Variants in DDX54 observed in about 807,000 individuals in gnomAD.
DDX54 encodes ATP-dependent RNA helicase DDX54.
Under a neutral mutation model 105.5 loss-of-function variants are expected in DDX54, and 67 were observed. That is an observed-to-expected ratio of 0.64 (90% confidence interval 0.52 to 0.78). DDX54 has a LOEUF of 0.78. DDX54 is among the 30% of genes least tolerant of loss of function. The pLI is 0.00. For missense variants in DDX54, 1,206 were observed against 1,230.5 expected (o/e 0.98, Z 0.30); for synonymous variants, 514 against 509.9 (o/e 1.01, Z -0.11).
chr12:113,176,662 G>A (rs1952407310), intron 7 of DDX54, among the ~76,000 whole-genome samples, 178 bp downstream of exon 7: 2 of 152,142 alleles, frequency 1.3e-5, no homozygotes, highest in South Asian at 4.1e-4. Context: ...TGGTCAGAGA[G>A]CCCCAGAGAT....
rs749816902 is a variant in DDX54 at position 113,165,646 on chromosome 12, C to T, written c.1717G>A (p.Ala573Thr). 12 of 1,608,134 alleles carry T rather than the reference C, an allele frequency of 7.5e-6. No individual in the cohort carries two copies. The highest frequency in any genetic ancestry group is 7.7e-6 in the Non-Finnish European group (9 of 1,176,162). ...GGTCTCCACCCGGCCCCACTCACCG[C>T]CCGGGAGCGGTAGTTCTTTATGCTG... ...VDSIKNYRSR[A>T]TIFEINASSR... The change falls in exon 14 of 20, where the codon GCG becomes ACG. Residue 573 changes from alanine to threonine, a missense_variant and splice_region_variant. By Grantham distance (58) the Ala-to-Thr change is moderately conservative. This residue lies in a region of DDX54 where 961 missense variants were observed against 1,019.1 expected (regional missense o/e 0.94). Coordinates refer to ENST00000306014, the MANE Select transcript of DDX54 (RefSeq NM_024072.4).
chr12:113,173,686 A>C (rs1952364390), intron 10 of DDX54, among the ~76,000 whole-genome samples: 1 of 152,212 alleles, frequency 6.6e-6, no homozygotes, highest in Admixed American at 6.5e-5. Flanking sequence ...AATCTTAAGA[A>C]GTCAAACAAA....
At chr12:113,179,795 G>T in intron 3 of DDX54, 140 bp downstream of exon 3, 1 of 986,066 alleles carries the variant, frequency 1.0e-6, no homozygotes, top group Non-Finnish European at 1.5e-6. Context: ...CTAGGAAGTG[G>T]GCACGCTAGC....
At chr12:113,165,551 G>T in intron 14 of DDX54, 93 bp downstream of exon 14, 1 of 1,351,600 alleles carries the variant, frequency 7.4e-7, no homozygotes, top group Non-Finnish European at 9.9e-7. Flanking sequence ...TGGCACCACC[G>T]TTGTCACTGT....
In DDX54 at chr12:113,176,866, T is replaced by A; in HGVS notation, c.726A>T (p.Glu242Asp). ...VEMSLKLQSV[E>D]YVVFDEADRL... ...GGTCAGCTTCATCGAACACCACGTATTCCACACTCTGCAGCTTCAGGCTCA... is the reference window on the plus strand; with the variant it reads ...GGTCAGCTTCATCGAACACCACGTAATCCACACTCTGCAGCTTCAGGCTCA... Residue 242 changes from glutamate to aspartate, a missense_variant, in exon 7 of 20, where the codon GAA becomes GAT. Physicochemically the swap from Glu to Asp is conservative, Grantham distance 45. Coordinates refer to ENST00000306014, the MANE Select transcript of DDX54 (RefSeq NM_024072.4). 1 of 1,614,184 alleles carries A rather than the reference T, an allele frequency of 6.2e-7. No homozygotes were observed. The highest frequency in any genetic ancestry group is 8.5e-7 in the Non-Finnish European group (1 of 1,180,038).
chr12:113,157,871 T>C lies in DDX54; in HGVS notation c.*1006A>G. On this transcript the variant is annotated 3_prime_UTR_variant, in exon 20 of 20. Coordinates refer to ENST00000306014, the MANE Select transcript of DDX54 (RefSeq NM_024072.4). ...GGGCACATAGCAAGCACTCCATAAA[T>C]GCAGGCCCTGATGAGGAGGTGATGG... 1.7e-6 allele frequency: 1 copy of C among 602,184 alleles called. No homozygotes were observed. The highest frequency in any genetic ancestry group is 3.0e-6 in the Non-Finnish European group (1 of 335,096). 37.3% of individuals were successfully genotyped at this position (602,184 alleles called of 1,614,324 possible).
chr12:113,159,071 G>C lies in DDX54; in HGVS notation c.2452C>G (p.Arg818Gly). The C allele has an allele frequency of 6.2e-7, 1 of 1,607,642 alleles. No homozygotes were observed. Among genetic ancestry groups the C allele is most frequent in the South Asian group, 1.1e-5 (1 of 90,214 alleles). Residue 818 changes from arginine to glycine, a missense_variant, in exon 20 of 20, where the codon CGA (arginine) becomes GGA (glycine). Transcript: ENST00000306014. Reference sequence around the variant, plus strand: ...TTGGTCTTGAGTTCCGGGCGGACTCGGCCTGCAGGGGTGCCTGGGGCGTGG... The same window carrying C: ...TTGGTCTTGAGTTCCGGGCGGACTCCGCCTGCAGGGGTGCCTGGGGCGTGG... ...RPHAPGTPAG[R>G]VRPELKTKQQ...
At position 113,181,626 on chromosome 12, in the gene DDX54, G is replaced by C. The variant is rs369917888; in HGVS notation, c.175-568C>G. 7.1e-4 allele frequency among the ~76,000 whole-genome samples: 107 copies of C among 151,392 alleles called. 2 individuals are homozygous for C. The South Asian group carries it at 0.023, about 32-fold the overall frequency. On this transcript the variant is annotated intron_variant, in intron 1 of 19. Transcript: ENST00000306014. Reference sequence around the variant, plus strand: ...ACACCCAGCCCCTAAATACATTAAAGAGCCAATCGAAATGCCTACTATATG... The same window carrying C: ...ACACCCAGCCCCTAAATACATTAAACAGCCAATCGAAATGCCTACTATATG...
In DDX54 at chr12:113,161,891, AC is replaced by A; in HGVS notation, c.2300+1del. ...CCTCCCCAGCCACGCCCCTCAGGAT[AC>A]AGGTCTCGCTTGTAGGAGCTGCTGA... On this transcript the variant is annotated splice_donor_variant, in intron 18 of 19. Transcript: ENST00000306014. LOFTEE classifies it high-confidence loss of function. 1 of 1,580,246 alleles carries A rather than the reference AC, an allele frequency of 6.3e-7. No individual in the cohort carries two copies. The highest frequency in any genetic ancestry group is 8.6e-7 in the Non-Finnish European group (1 of 1,161,042).
chr12:113,161,780 G>GGCCCCC, intron 18 of DDX54, 113 bp downstream of exon 18: 2 of 254,868 alleles, frequency 7.8e-6, no homozygotes, highest in Non-Finnish European at 1.5e-5. Context: ...AAGCCGCTCA[G>GGCCCCC]CCCCGCCCCC....
chr12:113,169,776 G>A lies in DDX54; in HGVS notation c.1408C>T (p.Pro470Ser), dbSNP rs1952314432. 1 of 1,613,816 alleles carries A rather than the reference G, an allele frequency of 6.2e-7. No homozygotes were observed. The highest frequency in any genetic ancestry group is 8.5e-7 in the Non-Finnish European group (1 of 1,179,892). ...SLTLARPLKE[P>S]SGVAGVDGML... ...CCACCCAGCCTCCACTCACCTGAGGGCTCCTTGAGGGGTCGGGCGAGGGTG... is the reference window on the plus strand; with the variant it reads ...CCACCCAGCCTCCACTCACCTGAGGACTCCTTGAGGGGTCGGGCGAGGGTG... The change falls in exon 12 of 20, where the codon CCC (proline) becomes TCC (serine). Residue 470 changes from proline (P) to serine (S), a missense_variant. Coordinates refer to ENST00000306014, the MANE Select transcript of DDX54 (RefSeq NM_024072.4).
In DDX54 at chr12:113,164,181, C is replaced by T. The variant is rs1952244946; in HGVS notation, c.1824G>A (p.Gln608=). ...RKAIARFQQG[Q]QGRQEQQEGP... is the part of the protein sequence containing the mutation. ...CCTCCTGCTGCTCCTGCCGCCCCTG[C>T]TGTCCCTGCTGGAAGCGGGCGATGG... The change falls in exon 15 of 20, where the codon CAG becomes CAA. Residue 608 remains glutamine (Q), a synonymous_variant. Coordinates refer to ENST00000306014, the MANE Select transcript of DDX54 (RefSeq NM_024072.4). 1.9e-6 allele frequency: 3 copies of T among 1,564,530 alleles called. No individual in the cohort carries two copies. Among genetic ancestry groups the T allele is most frequent in the Non-Finnish European group, 1.7e-6 (2 of 1,155,524 alleles).
intron 12 of DDX54, among the ~76,000 whole-genome samples, chr12:113,168,339 A>G (rs1291052969): frequency 6.6e-6 from 1 of 152,312 alleles, no homozygotes; most frequent in East Asian, 1.9e-4. Context: ...GTCCGGAGGA[A>G]GCCGCCTCAG....
intron 2 of DDX54, 29 bp from the exon 3 acceptor site, chr12:113,180,034 C>T: frequency 6.2e-7 from 1 of 1,611,630 alleles, no homozygotes; most frequent in Non-Finnish European, 8.5e-7. Flanking sequence ...GGTCAGGGGG[C>T]CGAGGGAGTC....
At chr12:113,179,086 C>G in intron 4 of DDX54, 57 bp downstream of exon 4, 1 of 1,613,364 alleles carries the variant, frequency 6.2e-7, no homozygotes, top group Non-Finnish European at 8.5e-7. Context: ...CTCGTGGCCT[C>G]TGTGTCCGGT....
intron 1 of DDX54, among the ~76,000 whole-genome samples, chr12:113,184,071 C>T (rs1952496082): frequency 6.6e-6 from 1 of 152,194 alleles, no homozygotes; most frequent in East Asian, 1.9e-4. Context: ...CTCAGCCTCC[C>T]GAGTAGCTGG....
chr12:113,163,986 A>G lies in DDX54; in HGVS notation c.1938+81T>C. 2 of 1,467,542 alleles carry G rather than the reference A, an allele frequency of 1.4e-6. No homozygotes were observed. The highest frequency in any genetic ancestry group is 2.8e-5 in the South Asian group (2 of 71,566). 90.9% of individuals were successfully genotyped at this position (1,467,542 alleles called of 1,614,324 possible). A position where few individuals can be genotyped will look rare whatever the true frequency, so the allele number is the denominator to read the frequency against. On this transcript the variant is annotated intron_variant, in intron 15 of 19. Transcript: ENST00000306014. This position sits in a 1 kb window ranked among gnomAD's most constrained non-coding sequence, Gnocchi z 5.9. ...CCTCCATCCACTGCTCAAAGATCCT[A>G]GGACAGCCTCATGGGCTGCTGGGAC... is the stretch of plus-strand genomic sequence containing the variant.
At chr12:113,175,616 G>A (rs972850428) in intron 7 of DDX54, among the ~76,000 whole-genome samples, 10 of 152,090 alleles carry the variant, frequency 6.6e-5, no homozygotes, top group Admixed American at 2.6e-4. Context: ...GTGAAACCCC[G>A]TCTCTATTAA....
At chr12:113,159,767 C>T (rs1427752889) in intron 19 of DDX54, among the ~76,000 whole-genome samples, 1 of 152,126 alleles carries the variant, frequency 6.6e-6, no homozygotes, top group Non-Finnish European at 1.5e-5. Context: ...AGCGACCCTG[C>T]CCCAGCCCCA....
Sources: allele counts gnomAD v4.1 joint callset (sites outside exome capture counted in the v4.1 genomes callset), GRCh38; gene constraint gnomAD v4.1.1; regional missense constraint gnomAD v4.1.1; non-coding constraint Gnocchi (gnomAD v3.1); transcripts MANE v1.5; gene names NCBI Gene and HGNC (gene_info 2026-07-23, HGNC 2026-07-21).